The following MYO15A variants were observed in gnomAD, a reference collection of about 807,000 sequenced individuals.
MYO15A encodes the protein myosin XVA, also known as unconventional myosin-XV.
Under a neutral mutation model 394.6 loss-of-function variants are expected in MYO15A, and 308 were observed. The ratio of observed to expected loss-of-function variants is 0.78; its 90% CI spans 0.71 to 0.86. The LOEUF (loss-of-function observed/expected upper bound fraction) is 0.86. Ranked by LOEUF, MYO15A falls within the 40% of genes least tolerant of loss-of-function variation. The pLI, the probability that MYO15A is intolerant of heterozygous loss-of-function variation, is 0.00. For missense variants in MYO15A, 4,606 were observed against 4,799.1 expected (o/e 0.96, Z 1.19); for synonymous variants, 1,957 against 2,003.8 (o/e 0.98, Z 0.62).
chr17:18,142,303 G>T (rs764959593), intron 24 of MYO15A, 49 bp downstream of exon 24: 2 of 1,586,788 alleles, frequency 1.3e-6, no homozygotes, highest in South Asian at 1.1e-5. Context: ...GGTCAGGCTC[G>T]GGAGAGGTCA....
At position 18,157,793 on chromosome 17, in the gene MYO15A, C is replaced by T; in HGVS notation, c.8860C>T (p.Pro2954Ser). Residue 2954 changes from proline to serine, a missense_variant, in exon 51 of 66, where the codon CCC (proline) becomes TCC (serine). Physicochemically the swap from Pro to Ser is moderately conservative, Grantham distance 74. Transcript: ENST00000647165. ...PSELVQPAAA[P>S]DFLQLPTEPG... is the part of the protein sequence containing the mutation. ...GGAGCTGGTGCAGCCCGCTGCTGCCCCCGACTTCCTGCAGCTGCCAACGGA... is the reference window on the plus strand; with the variant it reads ...GGAGCTGGTGCAGCCCGCTGCTGCCTCCGACTTCCTGCAGCTGCCAACGGA... 3 of 1,603,644 alleles carry T rather than the reference C, an allele frequency of 1.9e-6. No individual in the cohort carries two copies. The highest frequency in any genetic ancestry group is 1.7e-6 in the Non-Finnish European group (2 of 1,179,378).
chr17:18,118,671 G>T lies in MYO15A; in HGVS notation c.-130G>T. The T allele has an allele frequency of 6.9e-7, 1 of 1,444,132 alleles. No individual in the cohort carries two copies. Among genetic ancestry groups the T allele is most frequent in the Non-Finnish European group, 9.4e-7 (1 of 1,064,702 alleles). The allele number at this position is 1,444,132 out of a possible 1,614,324, so 89.5% of individuals were successfully genotyped here. A position where few individuals can be genotyped will look rare whatever the true frequency, so the allele number is the denominator to read the frequency against. On this transcript the variant is annotated 5_prime_UTR_variant, in exon 2 of 66. Transcript: ENST00000647165. Reference sequence around the variant, plus strand: ...GCCCTCCCCACGCCACCCAGGGCCAGTCGGGTCTGCTCACAGCCCGAGGAG... The same window carrying T: ...GCCCTCCCCACGCCACCCAGGGCCATTCGGGTCTGCTCACAGCCCGAGGAG...
intron 54 of MYO15A, 22 bp downstream of exon 54, chr17:18,159,369 C>T (rs1445833416): frequency 6.2e-7 from 1 of 1,613,812 alleles, no homozygotes; most frequent in Non-Finnish European, 8.5e-7. Flanking sequence ...GGACTGCAGC[C>T]AGGGCTCTGG....
Position 18,127,104 on chromosome 17 carries a change from C to T in MYO15A, c.3971C>T (p.Ala1324Val). ...GAGAGCGGCTCTGGCAAAACTGAGG[C>T]CACCAAGCTGATTCTGCGCTACCTG... ...SGESGSGKTE[A>V]TKLILRYLAA... Residue 1324 changes from alanine (A) to valine (V), a missense_variant, in exon 7 of 66, where the codon GCC (alanine) becomes GTC (valine). Transcript: ENST00000647165. 1.2e-6 allele frequency: 2 copies of T among 1,614,074 alleles called. No homozygotes were observed. The highest frequency in any genetic ancestry group is 1.7e-6 in the Non-Finnish European group (2 of 1,180,026).
rs189967724 is a variant in MYO15A, at chr17:18,150,327, C to A, written c.7213-102C>A. On this transcript the variant is annotated intron_variant, in intron 35 of 65. Coordinates refer to ENST00000647165, the MANE Select transcript of MYO15A (RefSeq NM_016239.4). The surrounding 1 kb of genome is among the most constrained non-coding windows in gnomAD (Gnocchi z 4.4). ...CTGAGCCAGTGGGAGGCTGCCCCCT[C>A]CCACGAGAGGGTGGGGAAGAGGCCA... 9.3e-7 allele frequency: 1 copy of A among 1,078,476 alleles called. No individual in the cohort carries two copies. The highest frequency in any genetic ancestry group is 1.4e-6 in the Non-Finnish European group (1 of 705,234). 66.8% of individuals were successfully genotyped at this position (1,078,476 alleles called of 1,614,324 possible). A position where few individuals can be genotyped will look rare whatever the true frequency, so the allele number is the denominator to read the frequency against.
At chr17:18,138,963 C>T (rs1022100270) in intron 18 of MYO15A, 27 bp downstream of exon 18, 18 of 1,601,532 alleles carry the variant, frequency 1.1e-5, no homozygotes, top group African/African-American at 6.7e-5. Context: ...TCGGCCTGGA[C>T]GCTGGTGCTG....
chr17:18,122,119 C>A lies in MYO15A; in HGVS notation c.3319C>A (p.Arg1107Ser). ...GCCCCTGCCCAAGGGGGGTGAACGGCGCCAGGCAGCCCCTGGGCGTTTTGC... is the reference window on the plus strand; with the variant it reads ...GCCCCTGCCCAAGGGGGGTGAACGGAGCCAGGCAGCCCCTGGGCGTTTTGC... ...PEPLPKGGER[R>S]QAAPGRFAVV... Residue 1107 changes from arginine (R) to serine (S), a missense_variant, in exon 2 of 66, where the codon CGC (arginine) becomes AGC (serine). Physicochemically the swap from Arg to Ser is moderately radical, Grantham distance 110. This residue lies in a region of MYO15A where 1,830 missense variants were observed against 1,689.7 expected (regional missense o/e 1.08). Transcript: ENST00000647165. 6.2e-7 allele frequency: 1 copy of A among 1,612,906 alleles called. No individual in the cohort carries two copies. Among genetic ancestry groups the A allele is most frequent in the East Asian group, 2.2e-5 (1 of 44,878 alleles).
intron 42 of MYO15A, among the ~76,000 whole-genome samples, chr17:18,152,975 A>G (rs2046608824): frequency 6.6e-6 from 1 of 152,168 alleles, no homozygotes; most frequent in Non-Finnish European, 1.5e-5. Flanking sequence ...CTGCCACCCC[A>G]GCCTCGGGCA....
chr17:18,178,906 G>A lies in MYO15A; in HGVS notation c.*36G>A, dbSNP rs764835211. 4 of 1,594,008 alleles carry A rather than the reference G, an allele frequency of 2.5e-6. No homozygotes were observed. In the South Asian group the frequency reaches 3.3e-5, roughly 13 times the overall value. ...AGCCCTCCAGTACCTTCTGCCAGAA[G>A]ACTCACTGTGTGGCCTCAGAGAAAT... On this transcript the variant is annotated 3_prime_UTR_variant, in exon 66 of 66. Coordinates refer to ENST00000647165, the MANE Select transcript of MYO15A (RefSeq NM_016239.4).
intron 47 of MYO15A, chr17:18,155,826 A>C: frequency 2.4e-6 from 1 of 417,352 alleles, no homozygotes; most frequent in Non-Finnish European, 4.5e-6. Flanking sequence ...CCTTTTTAAC[A>C]CGAGGATGGG....
rs769632341 is a variant in MYO15A at position 18,151,232 on chromosome 17, C to T, written c.7596C>T (p.Leu2532=). 6.2e-7 allele frequency: 1 copy of T among 1,614,122 alleles called. No individual in the cohort carries two copies. Among genetic ancestry groups the T allele is most frequent in the African/African-American group, 1.3e-5 (1 of 75,034 alleles). ...APAPLAKAPR[L]PIKPVAAPVL... is the part of the protein sequence containing the mutation. ...CCCCTCTGGCCAAGGCTCCAAGGCT[C>T]CCCATCAAGCCTGTGGCTGCCCCTG... Residue 2532 remains leucine, a synonymous_variant, in exon 39 of 66, where the codon CTC becomes CTT. Coordinates refer to ENST00000647165, the MANE Select transcript of MYO15A (RefSeq NM_016239.4).
chr17:18,138,852 T>G lies in MYO15A; in HGVS notation c.5049T>G (p.His1683Gln), dbSNP rs2046326990. 1.2e-6 allele frequency: 2 copies of G among 1,613,910 alleles called. No homozygotes were observed. The highest frequency in any genetic ancestry group is 1.7e-6 in the Non-Finnish European group (2 of 1,179,964). The change falls in exon 18 of 66, where the codon CAT becomes CAG. Residue 1683 changes from histidine to glutamine, a missense_variant. By Grantham distance (24) the His-to-Gln change is conservative. This residue lies in a region of MYO15A where 2,776 missense variants were observed against 3,109.3 expected (regional missense o/e 0.89). Transcript: ENST00000647165. ...TCCTACAGAAGTGCCACTACCATCA[T>G]GGCGCCAACCCGCTCTATTCCAAAC... ...HTFLQKCHYHHGANPLYSKPK... is the reference protein window; with the variant it reads ...HTFLQKCHYHQGANPLYSKPK...
In MYO15A at chr17:18,139,496, G is replaced by A. The variant is rs765544441; in HGVS notation, c.5134-38G>A. ...CCCTCCTAGGATAGACAGAGAGACA[G>A]AGGCCAGGATTACCCAGGCCATTGT... On this transcript the variant is annotated intron_variant, in intron 18 of 65. Coordinates refer to ENST00000647165, the MANE Select transcript of MYO15A (RefSeq NM_016239.4). The A allele has an allele frequency of 2.5e-6, 4 of 1,597,180 alleles. No homozygotes were observed. In the South Asian group the frequency reaches 4.5e-5, roughly 18 times the overall value.
chr17:18,176,763 T>G (rs947823424), intron 65 of MYO15A: 1 of 152,068 alleles, frequency 6.6e-6, no homozygotes, highest in Non-Finnish European at 1.5e-5. Context: ...CTCAAACTCC[T>G]GGCCTCAAGT....
At chr17:18,177,938 C>T (rs2047037070) in intron 65 of MYO15A, 1 of 152,414 alleles carries the variant, frequency 6.6e-6, no homozygotes, top group African/African-American at 2.4e-5. Flanking sequence ...CTGATGCCTT[C>T]CCCTACCCTG....
intron 17 of MYO15A, 138 bp from the exon 18 acceptor site, chr17:18,138,673 T>C: frequency 1.6e-6 from 2 of 1,230,894 alleles, no homozygotes; most frequent in Non-Finnish European, 1.1e-6. Context: ...CCCAGGGAGA[T>C]GGGCAGCCAT....
intron 1 of MYO15A, among the ~76,000 whole-genome samples, chr17:18,112,685 G>A (rs1340941673): frequency 2.0e-5 from 3 of 152,166 alleles, no homozygotes; most frequent in African/African-American, 7.2e-5. Flanking sequence ...TGGGACTACA[G>A]GTGTGAGCCA....
Position 18,149,141 on chromosome 17 carries a change from A to T in MYO15A, c.6957-75A>T, listed in dbSNP as rs575058989. On this transcript the variant is annotated intron_variant, in intron 33 of 65. Transcript: ENST00000647165. ...TAAATGGAGAAAGCCACTGAATACC[A>T]GGGTGCAGAAGAAAATTTGGGGGAT... is the stretch of plus-strand genomic sequence containing the variant. 7 of 1,582,564 alleles carry T rather than the reference A, an allele frequency of 4.4e-6. No homozygotes were observed. The East Asian group carries it at 1.4e-4, about 31-fold the overall frequency.
At chr17:18,164,858 A>AAAAAAG (rs60812127) in intron 60 of MYO15A, 2 of 124,782 alleles carry the variant, frequency 1.6e-5, no homozygotes, top group Admixed American at 8.2e-5. Flanking sequence ...AAAAAAAAAA[A>AAAAAAG]GCCAGGTGTG....
Sources: gnomAD v4.1 joint callset for allele counts (sites outside exome capture counted in the v4.1 genomes callset) on GRCh38, gnomAD v4.1.1 for gene constraint, gnomAD v4.1.1 regional missense constraint, Gnocchi (gnomAD v3.1) non-coding constraint, MANE v1.5 for transcripts, NCBI Gene and HGNC (gene_info 2026-07-23, HGNC 2026-07-21) for gene names.